The following CRYBG3 variants were observed in gnomAD, a reference collection of about 807,000 sequenced individuals.
CRYBG3 encodes crystallin beta-gamma domain containing 3, also known as very large A-kinase anchor protein.
Under a neutral mutation model 244.2 loss-of-function variants are expected in CRYBG3, and 127 were observed. The ratio of observed to expected loss-of-function variants is 0.52; its 90% confidence interval spans 0.45 to 0.60. The LOEUF is 0.60. CRYBG3 is among the 20% of genes least tolerant of loss of function. The probability of loss-of-function intolerance (pLI) is 0.00; values close to 1 mark genes in which losing one functional copy is unlikely to be tolerated. For missense variants in CRYBG3, 3,325 were observed against 3,442.5 expected, an observed-to-expected ratio of 0.97 and a Z score of 0.85; for synonymous variants, 1,132 against 1,195.8, an observed-to-expected ratio of 0.95 and a Z score of 1.10.
At chr3:97,888,058 C>T (rs567792371) in intron 8 of CRYBG3, among the ~76,000 whole-genome samples, 5 of 152,186 alleles carry the variant, frequency 3.3e-5, no homozygotes, top group African/African-American at 1.2e-4. Flanking sequence ...AAAGGTGCCA[C>T]GTGTTTTAGG....
intron 17 of CRYBG3, among the ~76,000 whole-genome samples, chr3:97,926,902 C>G (rs986414155): frequency 4.6e-5 from 7 of 151,928 alleles, no homozygotes; most frequent in African/African-American, 1.7e-4. Context: ...CAGAACACTG[C>G]TGAAAGAACT....
At position 97,822,267 on chromosome 3, in the gene CRYBG3, C is replaced by G. The variant is rs760932256; in HGVS notation, c.61C>G (p.Pro21Ala). ...PWHSFSRFFA[P>A]RSPSRDKEEE... ...GCACAGCTTCTCCCGGTTCTTCGCT[C>G]CCCGAAGTCCTTCCCGGGACAAGGA... Residue 21 changes from proline to alanine, a missense_variant, in exon 1 of 22, where the codon CCC becomes GCC. Pro to Ala is a conservative substitution (Grantham distance 27, BLOSUM62 -1). Around this residue, in one of 4 missense-constraint regions of CRYBG3, gnomAD observed 1,526 missense variants for 1,443.2 expected, o/e 1.06. Coordinates refer to ENST00000389622, the MANE Select transcript of CRYBG3 (RefSeq NM_153605.4). 3.9e-6 allele frequency: 6 copies of G among 1,530,610 alleles called. No homozygotes were observed. Among genetic ancestry groups the G allele is most frequent in the Non-Finnish European group, 5.2e-6 (6 of 1,144,668 alleles). The allele number at this position is 1,530,610 out of a possible 1,614,324, so 94.8% of individuals were successfully genotyped here. A position where few individuals can be genotyped will look rare whatever the true frequency, so the allele number is the denominator to read the frequency against.
intron 17 of CRYBG3, among the ~76,000 whole-genome samples, chr3:97,917,764 T>C (rs1005734204): frequency 6.6e-6 from 1 of 152,148 alleles, no homozygotes. Flanking sequence ...GGTTATTTGT[T>C]GAGCATAAGA....
chr3:97,923,883 T>G (rs923002544), intron 17 of CRYBG3, among the ~76,000 whole-genome samples: 2 of 152,072 alleles, frequency 1.3e-5, no homozygotes, highest in Non-Finnish European at 2.9e-5. Context: ...CAAATTAATA[T>G]TGTTTCAGGC....
At position 97,874,078 on chromosome 3, in the gene CRYBG3, G is replaced by A. The variant is rs777171896; in HGVS notation, c.2884G>A (p.Ala962Thr). 38 of 1,535,734 alleles carry A rather than the reference G, an allele frequency of 2.5e-5. 1 individual carries two copies. In the South Asian group the frequency reaches 3.9e-4, roughly 16 times the overall value. ...TAGGCAAATGGCGCAGAATTGTGAA[G>A]CTCACACTTGTGTGTTTCATCAATC... ...ISRQMAQNCE[A>T]HTCVFHQSLD... The change falls in exon 4 of 22, where the codon GCT becomes ACT. Residue 962 changes from alanine (A) to threonine (T), a missense_variant. Transcript: ENST00000389622.
chr3:97,863,388 G>T (rs1177190243), intron 2 of CRYBG3, among the ~76,000 whole-genome samples: 1 of 152,124 alleles, frequency 6.6e-6, no homozygotes, highest in African/African-American at 2.4e-5. Context: ...ATGCATTAAT[G>T]TGAGTTTGCT....
intron 15 of CRYBG3, among the ~76,000 whole-genome samples, chr3:97,908,909 C>T (rs1367698795): frequency 2.0e-5 from 3 of 152,156 alleles, no homozygotes; most frequent in Middle Eastern, 3.4e-3. Context: ...CCATGTTTAG[C>T]GCTTCCTTCA....
intron 15 of CRYBG3, among the ~76,000 whole-genome samples, chr3:97,903,299 G>A (rs1436134206): frequency 1.3e-5 from 2 of 152,126 alleles, no homozygotes; most frequent in African/African-American, 4.8e-5. Context: ...TTCACAAGCA[G>A]TAAAGAGAAA....
rs1559729208 is a variant in CRYBG3, at chr3:97,876,177, A to G, written c.4983A>G (p.Thr1661=). 8.1e-7 allele frequency: 1 copy of G among 1,231,884 alleles called. No individual in the cohort carries two copies. The highest frequency in any genetic ancestry group is 3.2e-5 in the East Asian group (1 of 31,686). 76.3% of individuals were successfully genotyped at this position (1,231,884 alleles called of 1,614,324 possible). A position where few individuals can be genotyped will look rare whatever the true frequency, so the allele number is the denominator to read the frequency against. ...GGGATATTGTAAAGACTGAGATGAC[A>G]CCTGTTACAGTAGACATGGAAAATA... ...AEGDIVKTEM[T]PVTVDMENIY... is the part of the protein sequence containing the mutation. Residue 1661 remains threonine, a synonymous_variant, in exon 4 of 22, where the codon ACA becomes ACG. Transcript: ENST00000389622.
chr3:97,876,609 G>A lies in CRYBG3; in HGVS notation c.5415G>A (p.Val1805=). 1 of 1,234,338 alleles carries A rather than the reference G, an allele frequency of 8.1e-7. No homozygotes were observed. Among genetic ancestry groups the A allele is most frequent in the Non-Finnish European group, 1.0e-6 (1 of 989,462 alleles). The allele number at this position is 1,234,338 out of a possible 1,614,324, so 76.5% of individuals were successfully genotyped here. The stretch of plus-strand genomic sequence containing the variant: ...AGAATACTGAAATAGTACCGTGTGT[G>A]TTAAAAGTGAAGGAAGCACACGAGA... ...VIKNTEIVPC[V]LKVKEAHETA... is the part of the protein sequence containing the mutation. Residue 1805 remains valine, a synonymous_variant, in exon 4 of 22, where the codon GTG becomes GTA. Transcript: ENST00000389622.
intron 1 of CRYBG3, among the ~76,000 whole-genome samples, chr3:97,827,162 CA>C (rs1256358078): frequency 6.6e-6 from 1 of 152,074 alleles, no homozygotes; most frequent in Non-Finnish European, 1.5e-5. Flanking sequence ...ATCAACATTC[CA>C]AAAAAGTGGC....
At chr3:97,939,586 T>G (rs1289137833) in intron 19 of CRYBG3, among the ~76,000 whole-genome samples, 1 of 152,000 alleles carries the variant, frequency 6.6e-6, no homozygotes, top group Non-Finnish European at 1.5e-5. Flanking sequence ...CTTGCCTGAG[T>G]TAATTGATTA....
intron 17 of CRYBG3, among the ~76,000 whole-genome samples, chr3:97,921,984 G>T (rs2039989564): frequency 6.6e-6 from 1 of 152,094 alleles, no homozygotes; most frequent in African/African-American, 2.4e-5. Context: ...ATAACAAGAG[G>T]CTGTAGAAAA....
At chr3:97,927,955 A>G (rs1214958616) in intron 17 of CRYBG3, among the ~76,000 whole-genome samples, 31 of 152,036 alleles carry the variant, frequency 2.0e-4, no homozygotes. Context: ...CACTGGTTGT[A>G]GGAATGTGCA....
chr3:97,848,669 G>A (rs529947526), intron 2 of CRYBG3, among the ~76,000 whole-genome samples: 4 of 151,984 alleles, frequency 2.6e-5, no homozygotes, highest in South Asian at 2.1e-4. Context: ...CAAGCAATTC[G>A]CTCACCTCAG....
Position 97,874,036 on chromosome 3 carries a change from C to A in CRYBG3, c.2842C>A (p.His948Asn). ...TATATCTTGGATTTTACCACCTATT[C>A]ATGATGAAAAAATCAGTAGGCAAAT... ...SNISWILPPI[H>N]DEKISRQMAQ... is the part of the protein sequence containing the mutation. The change falls in exon 4 of 22, where the codon CAT becomes AAT. Residue 948 changes from histidine to asparagine, a missense_variant. Physicochemically the swap from His to Asn is moderately conservative, Grantham distance 68. Transcript: ENST00000389622. 6.5e-7 allele frequency: 1 copy of A among 1,535,762 alleles called. No individual in the cohort carries two copies. Among genetic ancestry groups the A allele is most frequent in the East Asian group, 2.4e-5 (1 of 40,890 alleles).
chr3:97,904,406 C>A (rs1376119581), intron 15 of CRYBG3, among the ~76,000 whole-genome samples: 1 of 152,102 alleles, frequency 6.6e-6, no homozygotes, highest in Non-Finnish European at 1.5e-5. Flanking sequence ...AACATTATTT[C>A]TGCGTGTGTA....
chr3:97,822,119 T>C lies in CRYBG3; in HGVS notation c.-88T>C. 7.9e-7 allele frequency: 1 copy of C among 1,270,736 alleles called. No individual in the cohort carries two copies. The highest frequency in any genetic ancestry group is 1.0e-6 in the Non-Finnish European group (1 of 973,972). The allele number at this position is 1,270,736 out of a possible 1,614,324, so 78.7% of individuals were successfully genotyped here. On this transcript the variant is annotated 5_prime_UTR_variant, in exon 1 of 22. Coordinates refer to ENST00000389622, the MANE Select transcript of CRYBG3 (RefSeq NM_153605.4). ...GTCGAGTCGGTCTGCCCTAGCCGCA[T>C]CCCGCGGCGCCCGGTCGGGCTCCGG...
intron 2 of CRYBG3, among the ~76,000 whole-genome samples, chr3:97,861,250 C>CT (rs1462464506): frequency 6.6e-6 from 1 of 152,136 alleles, no homozygotes; most frequent in African/African-American, 2.4e-5. Context: ...CTAGAATACT[C>CT]TTAACACTCT....
Sources: allele counts gnomAD v4.1 joint callset (sites outside exome capture counted in the v4.1 genomes callset), GRCh38; gene constraint gnomAD v4.1.1; regional missense constraint gnomAD v4.1.1; transcripts MANE v1.5; gene names NCBI Gene and HGNC (gene_info 2026-07-23, HGNC 2026-07-21).